PHACTR1: variants seen among roughly 807,000 people sequenced by gnomAD.
PHACTR1 encodes phosphatase and actin regulator 1.
A neutral mutation model predicts 69.2 loss-of-function variants in PHACTR1; 16 were observed. That is an observed-to-expected ratio of 0.23 (90% CI 0.16 to 0.35). PHACTR1 has a LOEUF of 0.35. Among genes scored for constraint, PHACTR1 ranks in the 10% least tolerant of loss-of-function variants. The probability of loss-of-function intolerance (pLI) is 1.00; values close to 1 mark genes in which losing one functional copy is unlikely to be tolerated. For synonymous variants in PHACTR1, 312 were observed against 284.5 expected (o/e 1.10, Z -0.97); for missense variants, 510 against 734.7 (o/e 0.69, Z 3.54).
intron 3 of PHACTR1, among the ~76,000 whole-genome samples, chr6:12,732,531 G>A (rs912737292): frequency 1.5e-4 from 23 of 152,082 alleles, no homozygotes; most frequent in Middle Eastern, 3.4e-3. Flanking sequence ...CTGTGTCCAC[G>A]TGTTCTCATT....
At chr6:13,162,328 C>A (rs1583656552) in intron 6 of PHACTR1, among the ~76,000 whole-genome samples, 2 of 151,770 alleles carry the variant, frequency 1.3e-5, no homozygotes, top group African/African-American at 2.4e-5. Context: ...GGTTTCACCA[C>A]ATTGGCCAGG....
At chr6:13,054,856 A>AC (rs1436587090) in intron 5 of PHACTR1, among the ~76,000 whole-genome samples, 1 of 152,134 alleles carries the variant, frequency 6.6e-6, no homozygotes, top group African/African-American at 2.4e-5. Flanking sequence ...TGCCAGGGCT[A>AC]CCCCAAGGTT....
At chr6:12,917,401 G>A (rs773814378) in intron 4 of PHACTR1, among the ~76,000 whole-genome samples, 5 of 152,114 alleles carry the variant, frequency 3.3e-5, no homozygotes, top group East Asian at 3.8e-4. Flanking sequence ...ATGCCATCTC[G>A]GAAGCATTCA....
At chr6:12,974,595 T>G (rs1158442310) in intron 4 of PHACTR1, among the ~76,000 whole-genome samples, 1 of 152,150 alleles carries the variant, frequency 6.6e-6, no homozygotes, top group Non-Finnish European at 1.5e-5. Flanking sequence ...AAAAATCAAT[T>G]CACCAACATT....
chr6:12,791,041 G>A (rs1321221604), intron 4 of PHACTR1, among the ~76,000 whole-genome samples: 1 of 152,294 alleles, frequency 6.6e-6, no homozygotes, highest in Non-Finnish European at 1.5e-5. Flanking sequence ...CACATTCATT[G>A]AGCACTAATT....
chr6:12,734,579 C>T (rs956345206), intron 3 of PHACTR1, among the ~76,000 whole-genome samples: 1 of 152,074 alleles, frequency 6.6e-6, no homozygotes, highest in Admixed American at 6.6e-5. Flanking sequence ...ACCATTACTT[C>T]CTATTGTCTG....
chr6:12,888,072 C>CAAAAAAAAA (rs33925347), intron 4 of PHACTR1, among the ~76,000 whole-genome samples: 2 of 71,924 alleles, frequency 2.8e-5, no homozygotes, highest in Non-Finnish European at 4.9e-5. Flanking sequence ...GACTCCATCT[C>CAAAAAAAAA]AAAAAAAAAA....
chr6:13,074,733 A>G (rs371435773), intron 5 of PHACTR1, among the ~76,000 whole-genome samples: 27 of 152,214 alleles, frequency 1.8e-4, no homozygotes, highest in African/African-American at 5.3e-4. Context: ...AACAAGGTAA[A>G]TGCCATCAAT....
At chr6:12,743,542 A>T (rs140186023) in intron 3 of PHACTR1, among the ~76,000 whole-genome samples, 4 of 152,294 alleles carry the variant, frequency 2.6e-5, no homozygotes, top group African/African-American at 9.6e-5. Context: ...GTCCCTAGAT[A>T]ACCTGGGGCT....
At chr6:13,162,960 T>C (rs372886490) in intron 6 of PHACTR1, among the ~76,000 whole-genome samples, 1 of 152,166 alleles carries the variant, frequency 6.6e-6, no homozygotes, top group African/African-American at 2.4e-5. Flanking sequence ...AGTAAGTGGC[T>C]GCGGGCCGGG....
chr6:13,033,359 C>T (rs1802759060), intron 4 of PHACTR1, among the ~76,000 whole-genome samples: 1 of 152,126 alleles, frequency 6.6e-6, no homozygotes, highest in South Asian at 2.1e-4. Context: ...TTCATTTTCA[C>T]TGTGCAATGA....
At chr6:12,782,286 C>T (rs12528721) in intron 4 of PHACTR1, among the ~76,000 whole-genome samples, 1 of 152,162 alleles carries the variant, frequency 6.6e-6, no homozygotes, top group African/African-American at 2.4e-5. Flanking sequence ...CGGAACATGA[C>T]GCCTTACATA....
intron 5 of PHACTR1, among the ~76,000 whole-genome samples, chr6:13,053,893 A>G (rs759600058): frequency 5.9e-5 from 9 of 152,254 alleles, no homozygotes; most frequent in Non-Finnish European, 8.8e-5. Context: ...AAGTGAACAC[A>G]TAGCAGAAAA....
intron 4 of PHACTR1, among the ~76,000 whole-genome samples, chr6:12,855,110 C>T (rs1314618740): frequency 6.6e-6 from 1 of 152,132 alleles, no homozygotes; most frequent in East Asian, 1.9e-4. Context: ...ACATTACTCA[C>T]AATAGTAAAG....
chr6:12,723,488 C>CTTTTT (rs1180252640), intron 3 of PHACTR1, among the ~76,000 whole-genome samples: 1 of 128,162 alleles, frequency 7.8e-6, no homozygotes, highest in Non-Finnish European at 1.6e-5. Flanking sequence ...TTGGCCTTTT[C>CTTTTT]TTTTTTTTTT....
chr6:13,226,885 G>A (rs765134829), intron 8 of PHACTR1, among the ~76,000 whole-genome samples: 6 of 151,790 alleles, frequency 4.0e-5, no homozygotes, highest in African/African-American at 1.2e-4. Context: ...CTACAGGTGC[G>A]TGCCACCACA....
chr6:12,733,755 T>C (rs1374247431), intron 3 of PHACTR1, among the ~76,000 whole-genome samples: 1 of 152,232 alleles, frequency 6.6e-6, no homozygotes, highest in Non-Finnish European at 1.5e-5. Context: ...TCCAAGTATA[T>C]ATCACTTGTG....
rs111695952 is a variant in PHACTR1 at position 13,010,274 on chromosome 6, C to T, written c.251-43091C>T. On this transcript the variant is annotated intron_variant, in intron 4 of 14. Coordinates refer to ENST00000332995, the MANE Select transcript of PHACTR1 (RefSeq NM_030948.6). ...TCCCGAGTAGCTGGGATTACAGGTT[C>T]GCGCCACCACACCCAGCTAATTTTT... Among the ~76,000 whole-genome samples, 237 of 152,138 alleles carry T rather than the reference C, an allele frequency of 1.6e-3. 1 individual carries two copies. Among genetic ancestry groups the T allele is most frequent in the Non-Finnish European group, 2.5e-3 (173 of 68,000 alleles).
intron 4 of PHACTR1, among the ~76,000 whole-genome samples, chr6:12,750,870 G>A (rs1422993654): frequency 1.3e-5 from 2 of 152,218 alleles, no homozygotes; most frequent in Admixed American, 1.3e-4. Flanking sequence ...TATAATAAAA[G>A]TGAGGGCATT....
Sources: gnomAD v4.1 joint callset for allele counts (sites outside exome capture counted in the v4.1 genomes callset) on GRCh38, gnomAD v4.1.1 for gene constraint, MANE v1.5 for transcripts, NCBI Gene and HGNC (gene_info 2026-07-23, HGNC 2026-07-21) for gene names.